The following CREBRF variants were observed in gnomAD, a reference collection of about 807,000 sequenced individuals.
The protein encoded by CREBRF is UPF0474 protein C5orf41.
CREBRF carries 5 observed loss-of-function variants against 66.1 expected under a neutral mutation model. The observed-to-expected ratio is 0.08, with a 90% CI of 0.04 to 0.16. CREBRF has a LOEUF of 0.16. CREBRF is among the 10% of genes least tolerant of loss of function. The pLI, the probability that CREBRF is intolerant of heterozygous loss-of-function variation, is 1.00. For missense variants in CREBRF, 531 were observed against 744.9 expected (o/e 0.71, Z 3.34); for synonymous variants, 229 against 264.4 (o/e 0.87, Z 1.30).
At chr5:173,060,061 T>G (rs1444972199) in intron 1 of CREBRF, among the ~76,000 whole-genome samples, 3 of 152,118 alleles carry the variant, frequency 2.0e-5, no homozygotes, top group African/African-American at 7.2e-5. Flanking sequence ...TTCCTGGTGG[T>G]GGTTAAATAC....
At chr5:173,110,821 ATAC>A in intron 6 of CREBRF, 110 bp downstream of exon 6, 1 of 732,000 alleles carries the variant, frequency 1.4e-6, no homozygotes, top group Non-Finnish European at 2.2e-6. Flanking sequence ...TCTTGTATAA[ATAC>A]TACAATGAGA....
intron 7 of CREBRF, among the ~76,000 whole-genome samples, chr5:173,119,293 T>C (rs966229206): frequency 6.6e-6 from 1 of 152,222 alleles, no homozygotes; most frequent in African/African-American, 2.4e-5. Context: ...AATGGAGTTT[T>C]CCGATCCATG....
intron 1 of CREBRF, among the ~76,000 whole-genome samples, chr5:173,077,307 A>C (rs563519490): frequency 1.3e-5 from 2 of 152,214 alleles, no homozygotes; most frequent in African/African-American, 4.8e-5. Flanking sequence ...ATATACATAA[A>C]ATTTACTATT....
rs913032534 is a variant in CREBRF at position 173,135,556 on chromosome 5, C to A, written c.*1811C>A. The A allele has an allele frequency of 6.6e-6, 1 of 152,260 alleles. No individual in the cohort carries two copies. The highest frequency in any genetic ancestry group is 2.4e-5 in the African/African-American group (1 of 41,424). 9.4% of individuals were successfully genotyped at this position (152,260 alleles called of 1,614,324 possible). A position where few individuals can be genotyped will look rare whatever the true frequency, so the allele number is the denominator to read the frequency against. On this transcript the variant is annotated 3_prime_UTR_variant, in exon 9 of 9. Transcript: ENST00000296953. The stretch of plus-strand genomic sequence containing the variant: ...AGCATATTTAGCAAGGAAAAAAATA[C>A]CAAAAATTTCAGGCATAGCTGCTGG...
intron 2 of CREBRF, among the ~76,000 whole-genome samples, chr5:173,082,479 T>C (rs1363533824): frequency 4.0e-5 from 6 of 149,446 alleles, no homozygotes; most frequent in African/African-American, 1.5e-4. Context: ...TGAAGAAAAA[T>C]ACGATGAGAG....
intron 1 of CREBRF, among the ~76,000 whole-genome samples, chr5:173,066,732 G>A (rs938558240): frequency 6.9e-6 from 1 of 144,966 alleles, no homozygotes; most frequent in South Asian, 2.2e-4. Context: ...GGTAGAATGT[G>A]TTGTCTTTTG....
rs1298313412 is a variant in CREBRF, at chr5:173,056,426, G to C, written c.-245G>C. 1 of 398,310 alleles carries C rather than the reference G, an allele frequency of 2.5e-6. No individual in the cohort carries two copies. Among genetic ancestry groups the C allele is most frequent in the Non-Finnish European group, 4.4e-6 (1 of 225,938 alleles). 24.7% of individuals were successfully genotyped at this position (398,310 alleles called of 1,614,324 possible). The stretch of plus-strand genomic sequence containing the variant: ...ACCCGAGGCAGCATGGAGAGGGGCC[G>C]TGGCCCCTGCAGCGGAACCGGACCC... On this transcript the variant is annotated 5_prime_UTR_variant, in exon 1 of 9. Transcript: ENST00000296953.
chr5:173,098,466 TG>T (rs1758532271), intron 4 of CREBRF, among the ~76,000 whole-genome samples: 1 of 152,212 alleles, frequency 6.6e-6, no homozygotes, highest in Non-Finnish European at 1.5e-5. Flanking sequence ...ATATCATACT[TG>T]GTATTATTTC....
rs377650609 is a variant in CREBRF at position 173,059,287 on chromosome 5, G to A, written c.-192+2808G>A. Among the ~76,000 whole-genome samples, 351 of 99,510 alleles carry A rather than the reference G, an allele frequency of 3.5e-3. 2 individuals are homozygous for A. Among genetic ancestry groups the A allele is most frequent in the African/African-American group, 0.011 (306 of 26,974 alleles). 65.3% of individuals were successfully genotyped at this position (99,510 alleles called of 152,430 possible). A position where few individuals can be genotyped will look rare whatever the true frequency, so the allele number is the denominator to read the frequency against. ...TTTCTTTTTTTTTTTTTTTTGAGAC[G>A]GAGTTTCGCCCTTGTCGCCCAGGCT... On this transcript the variant is annotated intron_variant, in intron 1 of 8. Transcript: ENST00000296953.
At chr5:173,113,899 A>G (rs1758925165) in intron 7 of CREBRF, among the ~76,000 whole-genome samples, 1 of 152,130 alleles carries the variant, frequency 6.6e-6, no homozygotes, top group Non-Finnish European at 1.5e-5. Context: ...ATTTTGTTTA[A>G]GCCTGGTGTT....
At chr5:173,130,947 T>A (rs1305111882) in intron 8 of CREBRF, among the ~76,000 whole-genome samples, 1 of 152,156 alleles carries the variant, frequency 6.6e-6, no homozygotes, top group East Asian at 1.9e-4. Context: ...CCCCAAGTGA[T>A]CCGCCCACCT....
At chr5:173,079,838 C>T (rs1757883234) in intron 1 of CREBRF, among the ~76,000 whole-genome samples, 1 of 152,188 alleles carries the variant, frequency 6.6e-6, no homozygotes, top group African/African-American at 2.4e-5. Context: ...TTAGTTCCTC[C>T]TGGTTAAAGT....
At chr5:173,068,807 G>A (rs1182795502) in intron 1 of CREBRF, among the ~76,000 whole-genome samples, 2 of 151,906 alleles carry the variant, frequency 1.3e-5, no homozygotes, top group South Asian at 2.1e-4. Context: ...GGTGGCTCAC[G>A]CCTGTAATCC....
intron 7 of CREBRF, among the ~76,000 whole-genome samples, chr5:173,118,897 GAAAA>G (rs1759070910): frequency 6.6e-6 from 1 of 151,144 alleles, no homozygotes; most frequent in Admixed American, 6.6e-5. Context: ...TTTTAAAAAA[GAAAA>G]AAAGATTAAA....
chr5:173,090,953 T>G lies in CREBRF; in HGVS notation c.774T>G (p.Asp258Glu), dbSNP rs777707094. Residue 258 changes from aspartate (D) to glutamate (E), a missense_variant, in exon 4 of 9, where the codon GAT (aspartate) becomes GAG (glutamate). By Grantham distance (45) the Asp-to-Glu change is conservative (BLOSUM62 2). This residue lies in a region of CREBRF where 309 missense variants were observed against 341.4 expected (regional missense o/e 0.90). Coordinates refer to ENST00000296953, the MANE Select transcript of CREBRF (RefSeq NM_153607.3). This position sits in a 1 kb window ranked among gnomAD's most constrained non-coding sequence, Gnocchi z 4.5. ...SRPLLSQIHT[D>E]AAKENTCYCG... ...CCTTGTTGAGCCAGATTCACACAGA[T>G]GCAGCAAAGGAGAACACCTGCTACT... is the stretch of plus-strand genomic sequence containing the variant. 1.2e-6 allele frequency: 2 copies of G among 1,614,118 alleles called. No individual in the cohort carries two copies. Among genetic ancestry groups the G allele is most frequent in the South Asian group, 2.2e-5 (2 of 91,078 alleles).
At chr5:173,110,953 T>C (rs867442838) in intron 6 of CREBRF, among the ~76,000 whole-genome samples, 1 of 152,184 alleles carries the variant, frequency 6.6e-6, no homozygotes, top group Non-Finnish European at 1.5e-5. Flanking sequence ...TAAAAAATTT[T>C]TTCATAGCTT....
rs150435416 is a variant in CREBRF at position 173,084,157 on chromosome 5, A to G, written c.10-2344A>G. 9.4e-4 allele frequency among the ~76,000 whole-genome samples: 143 copies of G among 152,342 alleles called. 1 individual carries two copies. Among genetic ancestry groups the G allele is most frequent in the African/African-American group, 3.2e-3 (133 of 41,592 alleles). ...TATGTTATTAAATGAGGCATTTACTATACTCCTTCCTGAGAGCACCAGATG... is the reference window on the plus strand; with the variant it reads ...TATGTTATTAAATGAGGCATTTACTGTACTCCTTCCTGAGAGCACCAGATG... On this transcript the variant is annotated intron_variant, in intron 2 of 8. Transcript: ENST00000296953.
At position 173,090,255 on chromosome 5, in the gene CREBRF, G is replaced by A. The variant is rs1581680000; in HGVS notation, c.136-60G>A. On this transcript the variant is annotated intron_variant, in intron 3 of 8. Coordinates refer to ENST00000296953, the MANE Select transcript of CREBRF (RefSeq NM_153607.3). The surrounding 1 kb of genome is among the most constrained non-coding windows in gnomAD (Gnocchi z 4.5). ...GTATTGATTTATCAGTTTGACATATGGAGGTGAATATTTCCTTCTGAAATA... is the reference window on the plus strand; with the variant it reads ...GTATTGATTTATCAGTTTGACATATAGAGGTGAATATTTCCTTCTGAAATA... The A allele has an allele frequency of 2.2e-6, 3 of 1,359,876 alleles. No individual in the cohort carries two copies. The highest frequency in any genetic ancestry group is 4.6e-5 in the East Asian group (2 of 43,096). 84.2% of individuals were successfully genotyped at this position (1,359,876 alleles called of 1,614,324 possible).
chr5:173,084,747 T>C (rs1354895536), intron 2 of CREBRF, among the ~76,000 whole-genome samples: 2 of 152,070 alleles, frequency 1.3e-5, no homozygotes, highest in Non-Finnish European at 2.9e-5. Context: ...GTTCATGCCG[T>C]TCTCTTGCCT....
Sources: gnomAD v4.1 joint callset for allele counts (sites outside exome capture counted in the v4.1 genomes callset) on GRCh38, gnomAD v4.1.1 for gene constraint, gnomAD v4.1.1 regional missense constraint, Gnocchi (gnomAD v3.1) non-coding constraint, MANE v1.5 for transcripts, NCBI Gene and HGNC (gene_info 2026-07-23, HGNC 2026-07-21) for gene names.